PGM1: variants seen among roughly 807,000 people sequenced by gnomAD.
PGM1 encodes the protein phosphoglucomutase 1.
PGM1 carries 52 observed loss-of-function variants against 55.6 expected under a neutral mutation model. The ratio of observed to expected loss-of-function variants is 0.94; its 90% CI spans 0.75 to 1.18. The LOEUF is 1.18. Ranked by LOEUF, PGM1 falls within the 50% of genes most tolerant of loss-of-function variation. The pLI, the probability that PGM1 is intolerant of heterozygous loss-of-function variation, is 0.00. For missense variants in PGM1, 724 were observed against 729.3 expected (o/e 0.99, Z 0.08); for synonymous variants, 287 against 271.7 (o/e 1.06, Z -0.55).
intron 10 of PGM1, 69 bp downstream of exon 10, chr1:63,654,535 G>A: frequency 6.7e-7 from 1 of 1,481,928 alleles, no homozygotes; most frequent in Non-Finnish European, 9.4e-7. Context: ...CATTGAGCCT[G>A]TGTTTCAATG....
intron 7 of PGM1, among the ~76,000 whole-genome samples, chr1:63,639,869 G>A (rs1649468820): frequency 6.6e-6 from 1 of 152,176 alleles, no homozygotes; most frequent in Non-Finnish European, 1.5e-5. Context: ...AGAGTTCTAA[G>A]CAACTTGATA....
At chr1:63,602,404 A>G (rs1322227818) in intron 1 of PGM1, among the ~76,000 whole-genome samples, 2 of 152,272 alleles carry the variant, frequency 1.3e-5, no homozygotes, top group Admixed American at 1.3e-4. Context: ...GGGAAGGTGA[A>G]ATTTTGTTTT....
At chr1:63,633,078 T>A (rs1649240709) in intron 4 of PGM1, among the ~76,000 whole-genome samples, 1 of 151,786 alleles carries the variant, frequency 6.6e-6, no homozygotes, top group Non-Finnish European at 1.5e-5. Context: ...AAAATGAGAG[T>A]TGGAATTTCA....
chr1:63,628,491 A>G (rs985411119), intron 1 of PGM1, among the ~76,000 whole-genome samples: 4 of 152,184 alleles, frequency 2.6e-5, no homozygotes, highest in African/African-American at 9.7e-5. Context: ...CATTTTCAAC[A>G]CTAGAAACAC....
intron 10 of PGM1, among the ~76,000 whole-genome samples, chr1:63,656,861 T>A (rs1649982583): frequency 6.6e-6 from 1 of 152,062 alleles, no homozygotes; most frequent in African/African-American, 2.4e-5. Flanking sequence ...GTCCAAAGGG[T>A]ACAAAATTTC....
intron 1 of PGM1, among the ~76,000 whole-genome samples, chr1:63,621,124 T>C (rs1648868131): frequency 6.6e-6 from 1 of 152,174 alleles, no homozygotes; most frequent in East Asian, 1.9e-4. Context: ...AGGCCCATTT[T>C]TAGAATAGAA....
intron 1 of PGM1, among the ~76,000 whole-genome samples, chr1:63,624,438 G>A (rs575091076): frequency 3.3e-5 from 5 of 152,290 alleles, no homozygotes; most frequent in Non-Finnish European, 5.9e-5. Context: ...GTGAAAAACC[G>A]TGTTGGCTGG....
At position 63,633,935 on chromosome 1, in the gene PGM1, T is replaced by TA. The variant is rs1557433784; in HGVS notation, c.683-894_683-893insA. ...GTGTGTGTGTATATATATATATATT[T>TA]TTTTTTTTTTTTTTTTTTTTTTTTT... On this transcript the variant is annotated intron_variant, in intron 4 of 10. Coordinates refer to ENST00000371084, the MANE Select transcript of PGM1 (RefSeq NM_002633.3). 1.1e-3 allele frequency among the ~76,000 whole-genome samples: 57 copies of TA among 51,020 alleles called. 2 individuals are homozygous for TA. The highest frequency in any genetic ancestry group is 1.7e-3 in the Admixed American group (9 of 5,266). 33.5% of individuals were successfully genotyped at this position (51,020 alleles called of 152,430 possible).
At chr1:63,606,045 G>A (rs1396786500) in intron 1 of PGM1, among the ~76,000 whole-genome samples, 1 of 152,178 alleles carries the variant, frequency 6.6e-6, no homozygotes, top group African/African-American at 2.4e-5. Context: ...ACTTCCCTTA[G>A]CAGAACCCAA....
At chr1:63,615,550 CTTTTTTTTT>C (rs1161161385) in intron 1 of PGM1, among the ~76,000 whole-genome samples, 764 of 62,962 alleles carry the variant, frequency 0.012, 8 homozygotes, top group African/African-American at 0.049. Flanking sequence ...TCTTCTTCTT[CTTTTTTTTT>C]TTTTTTTTTT....
chr1:63,649,299 A>C (rs1649742328), intron 8 of PGM1, among the ~76,000 whole-genome samples: 1 of 152,214 alleles, frequency 6.6e-6, no homozygotes. Flanking sequence ...GCAGTGAACA[A>C]AATACTTAGA....
Position 63,659,684 on chromosome 1 carries a change from G to T in PGM1, c.*9G>T, listed in dbSNP as rs994076364. The T allele has an allele frequency of 1.9e-6, 3 of 1,598,438 alleles. No individual in the cohort carries two copies. The highest frequency in any genetic ancestry group is 2.7e-5 in the African/African-American group (2 of 74,606). On this transcript the variant is annotated 3_prime_UTR_variant, in exon 11 of 11. Coordinates refer to ENST00000371084, the MANE Select transcript of PGM1 (RefSeq NM_002633.3). ...CCACTGTCATCACCTAAGAAGACAG[G>T]CCTGATGTGGTACGTCCCTCCACCC...
In PGM1 at chr1:63,634,698, T is replaced by A. The variant is rs927575117; in HGVS notation, c.683-131T>A. The A allele has an allele frequency of 1.1e-5, 8 of 751,050 alleles. No individual in the cohort carries two copies. In the African/African-American group the frequency reaches 1.4e-4, roughly 13 times the overall value. 46.5% of individuals were successfully genotyped at this position (751,050 alleles called of 1,614,324 possible). On this transcript the variant is annotated intron_variant, in intron 4 of 10. Transcript: ENST00000371084. ...ATCTCTCCACTAGTCCCTGAACACA[T>A]TTCACACATTCCTGTTGTTTCTCAT...
chr1:63,651,952 T>C (rs1649822458), intron 9 of PGM1, 100 bp downstream of exon 9: 1 of 1,156,016 alleles, frequency 8.7e-7, no homozygotes, highest in Non-Finnish European at 1.3e-6. Context: ...TATTTTTCTT[T>C]TGCTGCTGTG....
chr1:63,599,200 T>C (rs1648163551), intron 1 of PGM1, among the ~76,000 whole-genome samples: 1 of 152,098 alleles, frequency 6.6e-6, no homozygotes, highest in African/African-American at 2.4e-5. Flanking sequence ...TGTCTTGCTC[T>C]GTTGCCCTAG....
At chr1:63,594,171 G>A (rs926592912) in intron 1 of PGM1, 52 of 976,984 alleles carry the variant, frequency 5.3e-5, no homozygotes, top group Non-Finnish European at 6.0e-5. Flanking sequence ...CTCGCCCAGA[G>A]CCCCCTCGCA....
At chr1:63,630,563 T>C (rs1649168072) in intron 3 of PGM1, among the ~76,000 whole-genome samples, 1 of 152,180 alleles carries the variant, frequency 6.6e-6, no homozygotes, top group Non-Finnish European at 1.5e-5. Context: ...AACGAAGATT[T>C]CAACTCAGGT....
Position 63,629,472 on chromosome 1 carries a change from T to C in PGM1, c.294T>C (p.Ala98=), listed in dbSNP as rs777459281. The change falls in exon 2 of 11, where the codon GCT becomes GCC. Residue 98 remains alanine, a synonymous_variant. Coordinates refer to ENST00000371084, the MANE Select transcript of PGM1 (RefSeq NM_002633.3). ...IGQNGILSTP[A]VSCIIRKIKA... ...AGAATGGAATCCTCTCCACCCCTGC[T>C]GTATCCTGCATCATTAGAAAAATCA... 6.2e-7 allele frequency: 1 copy of C among 1,613,690 alleles called. No individual in the cohort carries two copies. Among genetic ancestry groups the C allele is most frequent in the Non-Finnish European group, 8.5e-7 (1 of 1,179,688 alleles).
intron 1 of PGM1, among the ~76,000 whole-genome samples, chr1:63,596,254 C>CTTTTTTTTTTTTTTTTTTT (rs531673796): frequency 1.8e-5 from 2 of 111,330 alleles, no homozygotes; most frequent in Non-Finnish European, 3.6e-5. Context: ...TTTTCTTCTT[C>CTTTTTTTTTTTTTTTTTTT]TTTTTTTTTT....
Sources: gnomAD v4.1 joint callset for allele counts (sites outside exome capture counted in the v4.1 genomes callset) on GRCh38, gnomAD v4.1.1 for gene constraint, MANE v1.5 for transcripts, NCBI Gene and HGNC (gene_info 2026-07-23, HGNC 2026-07-21) for gene names.